The following GYS2 variants were observed in gnomAD, a reference collection of about 807,000 sequenced individuals.
GYS2 encodes the protein glycogen [starch] synthase, liver.
A neutral mutation model predicts 85.6 loss-of-function variants in GYS2; 80 were observed. The observed-to-expected ratio is 0.93, with a 90% CI of 0.78 to 1.13. GYS2 has a LOEUF of 1.13. GYS2 is among the 50% of genes most tolerant of loss of function. The pLI, the probability that GYS2 is intolerant of heterozygous loss-of-function variation, is 0.00. For missense variants in GYS2, 881 were observed against 854.9 expected (o/e 1.03, Z -0.38); for synonymous variants, 328 against 300.7 (o/e 1.09, Z -0.94).
chr12:21,547,355 C>T (rs1316118386), intron 11 of GYS2, among the ~76,000 whole-genome samples: 2 of 152,064 alleles, frequency 1.3e-5, no homozygotes, highest in Non-Finnish European at 2.9e-5. Context: ...ATTGCCAAAA[C>T]TTGGAAGCAA....
intron 5 of GYS2, among the ~76,000 whole-genome samples, 156 bp downstream of exon 5, chr12:21,568,709 A>C (rs1427497300): frequency 1.3e-5 from 2 of 152,190 alleles, no homozygotes; most frequent in East Asian, 1.9e-4. Flanking sequence ...CTTCCCTGCA[A>C]ACCTACTGAA....
At chr12:21,580,649 A>T in intron 1 of GYS2, 126 bp from the exon 2 acceptor site, 1 of 756,670 alleles carries the variant, frequency 1.3e-6, no homozygotes, top group South Asian at 1.4e-5. Context: ...GGATTTATTT[A>T]CCTTTCAAAA....
rs1273908134 is a variant in GYS2 at position 21,604,423 on chromosome 12, C to A, written c.121+49G>T. 3.7e-6 allele frequency: 4 copies of A among 1,077,044 alleles called. No individual in the cohort carries two copies. In the East Asian group the frequency reaches 9.4e-5, roughly 25 times the overall value. 66.7% of individuals were successfully genotyped at this position (1,077,044 alleles called of 1,614,324 possible). A position where few individuals can be genotyped will look rare whatever the true frequency, so the allele number is the denominator to read the frequency against. The stretch of plus-strand genomic sequence containing the variant: ...CTGTGAAATCTTACTCTACATTCCT[C>A]AGTCACCTAGTGAAGGTGTACTGAT... On this transcript the variant is annotated intron_variant, in intron 1 of 15. Coordinates refer to ENST00000261195, the MANE Select transcript of GYS2 (RefSeq NM_021957.4).
intron 1 of GYS2, among the ~76,000 whole-genome samples, chr12:21,587,751 G>A (rs377677865): frequency 9.2e-5 from 14 of 152,148 alleles, no homozygotes; most frequent in African/African-American, 3.4e-4. Context: ...AATTAGATCT[G>A]ATTGAAAAGG....
At chr12:21,564,433 A>G (rs995702590) in intron 5 of GYS2, among the ~76,000 whole-genome samples, 1 of 69,840 alleles carries the variant, frequency 1.4e-5, no homozygotes, top group Non-Finnish European at 3.5e-5. Flanking sequence ...TCCATCTCAA[A>G]AGAAAAAAAA....
intron 5 of GYS2, among the ~76,000 whole-genome samples, chr12:21,564,263 T>C (rs1250895699): frequency 6.6e-6 from 1 of 152,124 alleles, no homozygotes; most frequent in African/African-American, 2.4e-5. Flanking sequence ...AAACCCCATC[T>C]CTACTAAAAA....
At chr12:21,563,776 A>C (rs1944284495) in intron 5 of GYS2, among the ~76,000 whole-genome samples, 1 of 152,144 alleles carries the variant, frequency 6.6e-6, no homozygotes, top group Non-Finnish European at 1.5e-5. Context: ...AGAGTTGTTT[A>C]AAGACGCCGT....
intron 13 of GYS2, 69 bp downstream of exon 13, chr12:21,542,427 A>G: frequency 1.1e-6 from 1 of 915,128 alleles, no homozygotes; most frequent in South Asian, 1.3e-5. Context: ...TAGGCTCTGT[A>G]AAGACCCTGT....
Position 21,574,346 on chromosome 12 carries a change from G to A in GYS2, c.496-20C>T. 1 of 1,591,334 alleles carries A rather than the reference G, an allele frequency of 6.3e-7. No individual in the cohort carries two copies. Among genetic ancestry groups the A allele is most frequent in the Non-Finnish European group, 8.6e-7 (1 of 1,159,596 alleles). On this transcript the variant is annotated intron_variant, in intron 3 of 15. Transcript: ENST00000261195. The stretch of plus-strand genomic sequence containing the variant: ...TGTCACCTACATTAGGAAAAAAAAA[G>A]CATTCAGAAAAGTTGTTGATGAAGC...
rs1177691079 is a variant in GYS2, at chr12:21,567,547, T to C, written c.823+1318A>G. Among the ~76,000 whole-genome samples, 6 of 151,380 alleles carry C rather than the reference T, an allele frequency of 4.0e-5. No individual in the cohort carries two copies. In the South Asian group the frequency reaches 1.0e-3, roughly 26 times the overall value. ...TTCTATCTTGTTTTTTTTTTTTTTTTTAACCTAGCACCTTGAAATACCTCT... is the reference window on the plus strand; with the variant it reads ...TTCTATCTTGTTTTTTTTTTTTTTTCTAACCTAGCACCTTGAAATACCTCT... On this transcript the variant is annotated intron_variant, in intron 5 of 15. Coordinates refer to ENST00000261195, the MANE Select transcript of GYS2 (RefSeq NM_021957.4).
intron 1 of GYS2, among the ~76,000 whole-genome samples, chr12:21,595,992 C>T (rs767124085): frequency 2.0e-5 from 3 of 152,132 alleles, no homozygotes; most frequent in Admixed American, 1.3e-4. Context: ...ACAGAACACA[C>T]ATTCTATTCA....
chr12:21,595,046 A>G lies in GYS2; in HGVS notation c.121+9426T>C, dbSNP rs370584095. Among the ~76,000 whole-genome samples, 14 of 152,278 alleles carry G rather than the reference A, an allele frequency of 9.2e-5. No homozygotes were observed. In the East Asian group the frequency reaches 2.1e-3, roughly 23 times the overall value. ...GCTGAAAAAATTGGATATCCATTGGATATCCATGTGCAAAAGAATAAAACT... is the reference window on the plus strand; with the variant it reads ...GCTGAAAAAATTGGATATCCATTGGGTATCCATGTGCAAAAGAATAAAACT... On this transcript the variant is annotated intron_variant, in intron 1 of 15. Coordinates refer to ENST00000261195, the MANE Select transcript of GYS2 (RefSeq NM_021957.4).
intron 1 of GYS2, among the ~76,000 whole-genome samples, chr12:21,588,726 C>T (rs758312002): frequency 4.6e-5 from 7 of 152,206 alleles, no homozygotes; most frequent in Non-Finnish European, 7.4e-5. Flanking sequence ...CAAGAACAGA[C>T]ATGATTAACT....
intron 1 of GYS2, among the ~76,000 whole-genome samples, chr12:21,601,602 T>A (rs1046147303): frequency 3.3e-5 from 5 of 151,954 alleles, no homozygotes; most frequent in Non-Finnish European, 7.4e-5. Flanking sequence ...ATTAGAGAGG[T>A]TTTTCCCAAA....
At chr12:21,542,325 C>T (rs1291606508) in intron 13 of GYS2, among the ~76,000 whole-genome samples, 171 bp downstream of exon 13, 1 of 152,184 alleles carries the variant, frequency 6.6e-6, no homozygotes, top group East Asian at 1.9e-4. Flanking sequence ...GCTGGGATTA[C>T]AGGCATGAGC....
At chr12:21,546,309 T>C in intron 12 of GYS2, 35 bp downstream of exon 12, 1 of 1,492,042 alleles carries the variant, frequency 6.7e-7, no homozygotes, top group Non-Finnish European at 9.3e-7. Flanking sequence ...ACTAACAAAA[T>C]TCAAAACATT....
chr12:21,560,576 G>T, intron 7 of GYS2, 84 bp from the exon 8 acceptor site: 1 of 778,668 alleles, frequency 1.3e-6, no homozygotes. Context: ...TTGAAAAGTA[G>T]AGTTTTAAAA....
At chr12:21,592,148 A>G (rs1006858688) in intron 1 of GYS2, among the ~76,000 whole-genome samples, 1 of 151,470 alleles carries the variant, frequency 6.6e-6, no homozygotes, top group Non-Finnish European at 1.5e-5. Context: ...AATAAGAAAG[A>G]AAGAAAGAAA....
At chr12:21,556,201 C>T (rs576789983) in intron 11 of GYS2, among the ~76,000 whole-genome samples, 2 of 151,994 alleles carry the variant, frequency 1.3e-5, no homozygotes, top group African/African-American at 2.4e-5. Flanking sequence ...TTTTGTGAGG[C>T]GGAGTCTCAC....
Sources: gnomAD v4.1 joint callset for allele counts (sites outside exome capture counted in the v4.1 genomes callset) on GRCh38, gnomAD v4.1.1 for gene constraint, MANE v1.5 for transcripts, NCBI Gene and HGNC (gene_info 2026-07-23, HGNC 2026-07-21) for gene names.